The following KCNAB1 variants were observed in gnomAD, a reference collection of about 807,000 sequenced individuals.
KCNAB1 encodes potassium voltage-gated channel subfamily A regulatory beta subunit 1.
Under a neutral mutation model 64.6 loss-of-function variants are expected in KCNAB1, and 35 were observed. The ratio of observed to expected loss-of-function variants is 0.54; its 90% confidence interval spans 0.41 to 0.72. KCNAB1 has a LOEUF of 0.72. Ranked by LOEUF, KCNAB1 falls within the 30% of genes least tolerant of loss-of-function variation. KCNAB1 has a pLI of 0.00. For synonymous variants in KCNAB1, 177 were observed against 183.8 expected (o/e 0.96, Z 0.30); for missense variants, 401 against 512.9 (o/e 0.78, Z 2.11).
chr3:156,129,071 C>T (rs1451857428), intron 1 of KCNAB1, among the ~76,000 whole-genome samples: 1 of 152,100 alleles, frequency 6.6e-6, no homozygotes, highest in Non-Finnish European at 1.5e-5. Flanking sequence ...TTAATTCATA[C>T]AACAACCTCA....
intron 1 of KCNAB1, among the ~76,000 whole-genome samples, chr3:156,277,042 G>A (rs932285858): frequency 2.0e-4 from 31 of 152,144 alleles, no homozygotes; most frequent in African/African-American, 6.8e-4. Flanking sequence ...AGTGAGAGAT[G>A]TGTGCCTCTT....
chr3:156,366,298 C>T (rs1725943096), intron 1 of KCNAB1, among the ~76,000 whole-genome samples: 1 of 152,102 alleles, frequency 6.6e-6, no homozygotes, highest in Non-Finnish European at 1.5e-5. Flanking sequence ...AAGGCTGGTG[C>T]TAGAAAATAG....
chr3:156,304,108 A>AT (rs902289714), intron 1 of KCNAB1, among the ~76,000 whole-genome samples: 70 of 152,354 alleles, frequency 4.6e-4, no homozygotes, highest in African/African-American at 1.6e-3. Flanking sequence ...GAAATAGAAC[A>AT]TTCGTAAAAT....
In KCNAB1 at chr3:156,150,887, T is replaced by A. The variant is rs550116750; in HGVS notation, c.275+30001T>A. On this transcript the variant is annotated intron_variant, in intron 1 of 13. Coordinates refer to ENST00000490337, the MANE Select transcript of KCNAB1 (RefSeq NM_172160.3). ...GCCTAGATTCCATGGCAAGCCTATGTTATTATAACCTAACCCAGTTAGATA... is the reference window on the plus strand; with the variant it reads ...GCCTAGATTCCATGGCAAGCCTATGATATTATAACCTAACCCAGTTAGATA... 7.7e-4 allele frequency among the ~76,000 whole-genome samples: 118 copies of A among 152,322 alleles called. 1 individual carries two copies. In the South Asian group the frequency reaches 0.018, roughly 23 times the overall value.
At position 156,464,154 on chromosome 3, in the gene KCNAB1, A is replaced by C. The variant is rs148889266; in HGVS notation, c.527+408A>C. ...AGATAAAAATATCTTGTCTGGCTCCATGTCTAAGTCTCTGATCATTTCTGC... is the reference window on the plus strand; with the variant it reads ...AGATAAAAATATCTTGTCTGGCTCCCTGTCTAAGTCTCTGATCATTTCTGC... On this transcript the variant is annotated intron_variant, in intron 6 of 13. Coordinates refer to ENST00000490337, the MANE Select transcript of KCNAB1 (RefSeq NM_172160.3). Among the ~76,000 whole-genome samples, 751 of 152,310 alleles carry C rather than the reference A, an allele frequency of 4.9e-3. 7 individuals are homozygous for C. Among genetic ancestry groups the C allele is most frequent in the African/African-American group, 0.017 (722 of 41,570 alleles).
At chr3:156,338,267 G>T (rs1404204955) in intron 1 of KCNAB1, among the ~76,000 whole-genome samples, 1 of 127,696 alleles carries the variant, frequency 7.8e-6, no homozygotes. Flanking sequence ...TTTCCCTTGG[G>T]GAGTCACTCA....
rs769010341 is a variant in KCNAB1 at position 156,531,492 on chromosome 3, A to G, written c.1165A>G (p.Ile389Val). The change falls in exon 13 of 14, where the codon ATT becomes GTT. Residue 389 changes from isoleucine (I) to valine (V), a missense_variant. Ile to Val is a conservative substitution (Grantham distance 29, BLOSUM62 3). Transcript: ENST00000490337. ...ACAACTCATTGAAAACCTTGGTGCCATTCAGGCAAGTACTGCAGCCCCTTC... is the reference window on the plus strand; with the variant it reads ...ACAACTCATTGAAAACCTTGGTGCCGTTCAGGCAAGTACTGCAGCCCCTTC... Reference protein sequence around the residue: ...PEQLIENLGAIQVLPKMTSHV... With the variant: ...PEQLIENLGAVQVLPKMTSHV... 3.1e-6 allele frequency: 5 copies of G among 1,611,570 alleles called. No homozygotes were observed. The highest frequency in any genetic ancestry group is 4.2e-6 in the Non-Finnish European group (5 of 1,177,650).
intron 2 of KCNAB1, among the ~76,000 whole-genome samples, chr3:156,445,223 G>T (rs899289239): frequency 2.6e-5 from 4 of 152,202 alleles, no homozygotes; most frequent in Non-Finnish European, 5.9e-5. Context: ...TTGAACCTGG[G>T]AGGCGGAAGT....
intron 8 of KCNAB1, among the ~76,000 whole-genome samples, chr3:156,511,511 T>C (rs532603681): frequency 6.6e-6 from 1 of 152,360 alleles, no homozygotes; most frequent in Non-Finnish European, 1.5e-5. Flanking sequence ...CCCTTATCTC[T>C]GTAAACAGCC....
chr3:156,200,786 C>T (rs973831476), intron 1 of KCNAB1, among the ~76,000 whole-genome samples: 2 of 152,234 alleles, frequency 1.3e-5, no homozygotes, highest in African/African-American at 4.8e-5. Context: ...CCACTTGGCT[C>T]CCTGGCTTCA....
At position 156,343,242 on chromosome 3, in the gene KCNAB1, T is replaced by C. The variant is rs954883640; in HGVS notation, c.276-78374T>C. Among the ~76,000 whole-genome samples, 52 of 152,348 alleles carry C rather than the reference T, an allele frequency of 3.4e-4. 1 individual carries two copies. The highest frequency in any genetic ancestry group is 1.2e-3 in the African/African-American group (49 of 41,576). On this transcript the variant is annotated intron_variant, in intron 1 of 13. Coordinates refer to ENST00000490337, the MANE Select transcript of KCNAB1 (RefSeq NM_172160.3). ...TATGCACAGGAATCTCCTCAGTTCT[T>C]GCTGAAATACAGTTTCTGATTCAGT...
At chr3:156,142,868 T>G in intron 1 of KCNAB1, 1 of 500,324 alleles carries the variant, frequency 2.0e-6, no homozygotes, top group Non-Finnish European at 2.6e-6. Flanking sequence ...GTTCCCATAT[T>G]TTTTTTCCCC....
intron 8 of KCNAB1, among the ~76,000 whole-genome samples, chr3:156,505,253 G>A (rs1716756839): frequency 6.6e-6 from 1 of 152,084 alleles, no homozygotes; most frequent in Non-Finnish European, 1.5e-5. Context: ...CTATTCCATT[G>A]ATCTATGTGT....
Position 156,231,666 on chromosome 3 carries a change from A to G in KCNAB1, c.275+110780A>G, listed in dbSNP as rs148494075. On this transcript the variant is annotated intron_variant, in intron 1 of 13. Coordinates refer to ENST00000490337, the MANE Select transcript of KCNAB1 (RefSeq NM_172160.3). ...TCTCTCTGAAGTCCGCTACCTAAGC[A>G]ATTCCTCTGCACAATAAAACTTGGT... is the stretch of plus-strand genomic sequence containing the variant. 9.9e-5 allele frequency among the ~76,000 whole-genome samples: 15 copies of G among 152,024 alleles called. No homozygotes were observed. The East Asian group carries it at 2.9e-3, about 29-fold the overall frequency.
intron 1 of KCNAB1, among the ~76,000 whole-genome samples, chr3:156,297,792 G>A (rs374006286): frequency 5.9e-5 from 9 of 151,876 alleles, no homozygotes; most frequent in African/African-American, 1.2e-4. Flanking sequence ...GCTCGTGTGC[G>A]TGTGTGTGTG....
intron 8 of KCNAB1, among the ~76,000 whole-genome samples, chr3:156,502,532 C>CCACACACACACACA (rs60469602): frequency 1.4e-5 from 2 of 142,810 alleles, no homozygotes; most frequent in African/African-American, 5.1e-5. Flanking sequence ...TACCTTACAA[C>CCACACACACACACA]CACACACACA....
At chr3:156,336,949 A>G (rs144153670) in intron 1 of KCNAB1, among the ~76,000 whole-genome samples, 70 of 152,356 alleles carry the variant, frequency 4.6e-4, no homozygotes, top group South Asian at 8.3e-4. Flanking sequence ...AAGTGCAAGG[A>G]CTAGACATAA....
At chr3:156,488,572 A>C (rs766691814) in intron 8 of KCNAB1, among the ~76,000 whole-genome samples, 12 of 152,266 alleles carry the variant, frequency 7.9e-5, no homozygotes, top group Non-Finnish European at 1.5e-4. Flanking sequence ...TAGAGAAATA[A>C]GTGAGGCCAG....
chr3:156,463,706 T>A lies in KCNAB1; in HGVS notation c.487T>A (p.Ser163Thr). The A allele has an allele frequency of 6.2e-7, 1 of 1,604,304 alleles. No individual in the cohort carries two copies. The highest frequency in any genetic ancestry group is 8.5e-7 in the Non-Finnish European group (1 of 1,176,426). The change falls in exon 6 of 14, where the codon TCC becomes ACC. Residue 163 changes from serine to threonine, a missense_variant. Coordinates refer to ENST00000490337, the MANE Select transcript of KCNAB1 (RefSeq NM_172160.3). ...GTTTGTCTTTTTGATATACAGGAGG[T>A]CCAGTCTGGTCATAACAACCAAACT... ...SIIKKKGWRR[S>T]SLVITTKLYW...
Sources: allele counts gnomAD v4.1 joint callset (sites outside exome capture counted in the v4.1 genomes callset), GRCh38; gene constraint gnomAD v4.1.1; transcripts MANE v1.5; gene names NCBI Gene and HGNC (gene_info 2026-07-23, HGNC 2026-07-21).